Variants in ASPA observed in about 807,000 individuals in gnomAD.
The protein encoded by ASPA is aspartoacylase, also known as ACY-2.
A neutral mutation model predicts 29.6 loss-of-function variants in ASPA; 25 were observed. The ratio of observed to expected loss-of-function variants is 0.85; its 90% CI spans 0.62 to 1.18. The LOEUF is 1.18. Ranked by LOEUF, ASPA falls within the 50% of genes most tolerant of loss-of-function variation. The pLI is 0.00. For synonymous variants in ASPA, 131 were observed against 130.3 expected (o/e 1.01, Z -0.04); for missense variants, 333 against 385.7 (o/e 0.86, Z 1.14).
upstream of ASPA, among the ~76,000 whole-genome samples, chr17:3,474,720 A>C (rs1263232419): frequency 6.6e-6 from 1 of 152,158 alleles, no homozygotes; most frequent in Non-Finnish European, 1.5e-5. Flanking sequence ...TTCATATTTT[A>C]TTTTTCCACC....
At position 3,485,882 on chromosome 17, in the gene ASPA, AGAGAGCCAGATG is replaced by A. The variant is rs139048066; in HGVS notation, c.526+2292_526+2303del. Reference sequence around the variant, plus strand: ...CTCCAGTTCCCACAGGGTGACATAGAGAGAGCCAGATGGCAGCTATCCATGCCAGTGGTTGCA... The same window carrying A: ...CTCCAGTTCCCACAGGGTGACATAGAGCAGCTATCCATGCCAGTGGTTGCA... On this transcript the variant is annotated intron_variant, in intron 3 of 5. Transcript: ENST00000263080. The surrounding 1 kb of genome is among the most constrained non-coding windows in gnomAD (Gnocchi z 4.4). Among the ~76,000 whole-genome samples the A allele has an allele frequency of 9.1e-4, 138 of 152,082 alleles. No individual in the cohort carries two copies. In the East Asian group the frequency reaches 0.024, roughly 26 times the overall value.
At chr17:3,480,233 A>G (rs11651636) in intron 1 of ASPA, among the ~76,000 whole-genome samples, 55,659 of 152,188 alleles carry the variant, frequency 0.37, 12,980 homozygotes, top group Non-Finnish European at 0.54. Flanking sequence ...CTGCCCAGAC[A>G]GAGCTGATTT....
chr17:3,491,718 A>AGAGT (rs573827591), intron 4 of ASPA, among the ~76,000 whole-genome samples: 91 of 152,210 alleles, frequency 6.0e-4, no homozygotes, highest in African/African-American at 2.0e-3. Flanking sequence ...ACTGCACTCC[A>AGAGT]GCCTCGGTGA....
rs1223590231 is a variant in ASPA, at chr17:3,483,561, G to A, written c.495G>A (p.Ala165=). The A allele has an allele frequency of 3.1e-6, 5 of 1,613,788 alleles. No individual in the cohort carries two copies. Among genetic ancestry groups the A allele is most frequent in the East Asian group, 4.5e-5 (2 of 44,890 alleles). Residue 165 remains alanine (A), a synonymous_variant, in exon 3 of 6, where the codon GCG becomes GCA. Coordinates refer to ENST00000263080, the MANE Select transcript of ASPA (RefSeq NM_000049.4). ...TTGAGCATCCTTCCCTCAAATATGC[G>A]ACCACTCGTTCCATAGCCAAGTATC... is the stretch of plus-strand genomic sequence containing the variant. ...YLIEHPSLKY[A]TTRSIAKYPV... is the part of the protein sequence containing the mutation.
Position 3,481,851 on chromosome 17 carries a change from T to G in ASPA, c.432+53T>G, listed in dbSNP as rs558544167. 1.4e-4 allele frequency: 197 copies of G among 1,442,296 alleles called. 1 individual carries two copies. Among genetic ancestry groups the G allele is most frequent in the Non-Finnish European group, 1.8e-4 (186 of 1,048,298 alleles). 89.3% of individuals were successfully genotyped at this position (1,442,296 alleles called of 1,614,324 possible). On this transcript the variant is annotated intron_variant, in intron 2 of 5. Transcript: ENST00000263080. Reference sequence around the variant, plus strand: ...TTAGCAAAGGACTTGTACTTTTAAGTCAATTATGGATGTGAGACAATCAGA... The same window carrying G: ...TTAGCAAAGGACTTGTACTTTTAAGGCAATTATGGATGTGAGACAATCAGA...
chr17:3,493,560 CAAAAA>C (rs746229421), intron 4 of ASPA, among the ~76,000 whole-genome samples: 3 of 56,384 alleles, frequency 5.3e-5, no homozygotes, highest in African/African-American at 1.5e-4. Context: ...GGTTCCATCT[CAAAAA>C]AAAAAAAAAA....
chr17:3,481,394 T>A (rs946709593), intron 1 of ASPA, among the ~76,000 whole-genome samples: 8 of 152,224 alleles, frequency 5.3e-5, no homozygotes, highest in Non-Finnish European at 8.8e-5. Context: ...TTCGCAAGCA[T>A]GCCAATGCAA....
At chr17:3,495,207 C>T (rs2073889927) in intron 5 of ASPA, among the ~76,000 whole-genome samples, 1 of 152,178 alleles carries the variant, frequency 6.6e-6, no homozygotes, top group Non-Finnish European at 1.5e-5. Context: ...GTGCAAGTGG[C>T]CTGCACACTC....
rs901027018 is a variant in ASPA at position 3,477,782 on chromosome 17, T to C, written c.236+1387T>C. On this transcript the variant is annotated intron_variant, in intron 1 of 5. Coordinates refer to ENST00000263080, the MANE Select transcript of ASPA (RefSeq NM_000049.4). The stretch of plus-strand genomic sequence containing the variant: ...TTTTTTCTTTTACTAAAAAATATTC[T>C]GAAACATCTGTTTTTCTCAGGAAAC... Among the ~76,000 whole-genome samples, 4 of 152,144 alleles carry C rather than the reference T, an allele frequency of 2.6e-5. No individual in the cohort carries two copies. The South Asian group carries it at 8.3e-4, about 31-fold the overall frequency.
chr17:3,491,031 C>T (rs943852171), intron 4 of ASPA, among the ~76,000 whole-genome samples: 4 of 152,134 alleles, frequency 2.6e-5, no homozygotes, highest in African/African-American at 4.8e-5. Flanking sequence ...GAATCATAGC[C>T]GCCATGTGAA....
chr17:3,489,212 A>T lies in ASPA; in HGVS notation c.527-23A>T, dbSNP rs375663977. 2.7e-5 allele frequency: 37 copies of T among 1,355,714 alleles called. No individual in the cohort carries two copies. In the African/African-American group the frequency reaches 5.0e-4, roughly 18 times the overall value. 84.0% of individuals were successfully genotyped at this position (1,355,714 alleles called of 1,614,324 possible). On this transcript the variant is annotated intron_variant, in intron 3 of 5. Coordinates refer to ENST00000263080, the MANE Select transcript of ASPA (RefSeq NM_000049.4). ...ATATTTTCATACTTATATAAATGTG[A>T]CTATCTCTCCTTCTGTACCTAGGTA...
intron 2 of ASPA, among the ~76,000 whole-genome samples, chr17:3,482,774 T>G (rs1567611637): frequency 6.6e-6 from 1 of 151,904 alleles, no homozygotes; most frequent in Admixed American, 6.5e-5. Context: ...GATTCTTTTT[T>G]TTTTTAATTT....
In ASPA at chr17:3,499,264, ATATTT is replaced by A; in HGVS notation, c.*180_*184del. 1 of 548,248 alleles carries A rather than the reference ATATTT, an allele frequency of 1.8e-6. No individual in the cohort carries two copies. The allele number at this position is 548,248 out of a possible 1,614,324, so 34.0% of individuals were successfully genotyped here. A position where few individuals can be genotyped will look rare whatever the true frequency, so the allele number is the denominator to read the frequency against. On this transcript the variant is annotated 3_prime_UTR_variant, in exon 6 of 6. Transcript: ENST00000263080. ...TAATTAATATATCTTTAAAGATATCATATTTTATGTATGTAGCTTATTCAAAGAAG... is the reference window on the plus strand; with the variant it reads ...TAATTAATATATCTTTAAAGATATCATATGTATGTAGCTTATTCAAAGAAG...
At chr17:3,475,985 T>C (rs906650884), upstream of ASPA, 10 of 636,520 alleles carry the variant, frequency 1.6e-5, no homozygotes, top group Non-Finnish European at 2.5e-5. Context: ...GGAGTGTCCA[T>C]AAACGGGGCT....
At position 3,499,231 on chromosome 17, in the gene ASPA, T is replaced by C. The variant is rs939271414; in HGVS notation, c.*143T>C. 7.5e-6 allele frequency: 5 copies of C among 665,856 alleles called. No individual in the cohort carries two copies. The highest frequency in any genetic ancestry group is 6.4e-5 in the Admixed American group (2 of 31,246). 41.2% of individuals were successfully genotyped at this position (665,856 alleles called of 1,614,324 possible). A position where few individuals can be genotyped will look rare whatever the true frequency, so the allele number is the denominator to read the frequency against. ...TATTCGGTAGGCATCTAAGCACATT[T>C]CTTAAATTAATTAATATATCTTTAA... On this transcript the variant is annotated 3_prime_UTR_variant, in exon 6 of 6. Transcript: ENST00000263080.
intron 4 of ASPA, among the ~76,000 whole-genome samples, chr17:3,489,575 C>T (rs906677217): frequency 1.6e-4 from 24 of 147,202 alleles, no homozygotes; most frequent in East Asian, 4.0e-4. Flanking sequence ...AAAGAAAAGA[C>T]GAGAAAATAC....
Position 3,486,958 on chromosome 17 carries a change from A to T in ASPA, c.527-2277A>T, listed in dbSNP as rs564410333. ...GCGTTGAATGAATAATAATTACACA[A>T]ATAACTTTCCTAAGTCTCAAATGAG... On this transcript the variant is annotated intron_variant, in intron 3 of 5. Coordinates refer to ENST00000263080, the MANE Select transcript of ASPA (RefSeq NM_000049.4). Among the ~76,000 whole-genome samples the T allele has an allele frequency of 2.0e-5, 3 of 152,262 alleles. No individual in the cohort carries two copies. In the East Asian group the frequency reaches 5.8e-4, roughly 29 times the overall value.
chr17:3,484,319 A>G (rs959123207), intron 3 of ASPA, among the ~76,000 whole-genome samples: 1 of 152,250 alleles, frequency 6.6e-6, no homozygotes, highest in Non-Finnish European at 1.5e-5. Context: ...AATGAGCAAG[A>G]CACACAGTCT....
chr17:3,488,755 A>G lies in ASPA; in HGVS notation c.527-480A>G, dbSNP rs2073770867. On this transcript the variant is annotated intron_variant, in intron 3 of 5. Coordinates refer to ENST00000263080, the MANE Select transcript of ASPA (RefSeq NM_000049.4). This position sits in a 1 kb window ranked among gnomAD's most constrained non-coding sequence, Gnocchi z 6.1. ...TTGCTCAAGGGTCACATAGATTGTC[A>G]TATTGACTGAAATCCATGATTCATC... is the stretch of plus-strand genomic sequence containing the variant. Among the ~76,000 whole-genome samples, 1 of 152,224 alleles carries G rather than the reference A, an allele frequency of 6.6e-6. No homozygotes were observed. Among genetic ancestry groups the G allele is most frequent in the Admixed American group, 6.5e-5 (1 of 15,282 alleles).
Sources: gnomAD v4.1 joint callset for allele counts (sites outside exome capture counted in the v4.1 genomes callset) on GRCh38, gnomAD v4.1.1 for gene constraint, Gnocchi (gnomAD v3.1) non-coding constraint, MANE v1.5 for transcripts, NCBI Gene and HGNC (gene_info 2026-07-23, HGNC 2026-07-21) for gene names.